The following TTC12 variants were observed in gnomAD, a reference collection of about 807,000 sequenced individuals.
TTC12 encodes tetratricopeptide repeat protein 12.
A neutral mutation model predicts 90.1 loss-of-function variants in TTC12; 70 were observed. The ratio of observed to expected loss-of-function variants is 0.78; its 90% CI spans 0.64 to 0.95. The LOEUF is 0.95. TTC12 is among the 40% of genes least tolerant of loss of function. The pLI, the probability that TTC12 is intolerant of heterozygous loss-of-function variation, is 0.00. For synonymous variants in TTC12, 296 were observed against 311.5 expected (o/e 0.95, Z 0.53); for missense variants, 819 against 846.1 (o/e 0.97, Z 0.40).
intron 21 of TTC12, chr11:113,371,432 CA>C (rs1232944411): frequency 2.6e-5 from 4 of 151,908 alleles, no homozygotes; most frequent in African/African-American, 9.7e-5. Context: ...TTTTGATCTG[CA>C]GTTGGTTGAA....
At chr11:113,317,800 C>CT (rs34184490) in intron 2 of TTC12, among the ~76,000 whole-genome samples, 144 of 151,472 alleles carry the variant, frequency 9.5e-4, no homozygotes, top group Non-Finnish European at 1.4e-3. Context: ...GCCTCTTCAT[C>CT]TTTTTTTTTA....
At chr11:113,331,276 C>T (rs781824186) in intron 7 of TTC12, among the ~76,000 whole-genome samples, 8 of 152,146 alleles carry the variant, frequency 5.3e-5, no homozygotes, top group Admixed American at 3.3e-4. Flanking sequence ...CCTGCTTTGT[C>T]GCCTTGCTTG....
At chr11:113,354,825 T>A (rs1374494513) in intron 16 of TTC12, among the ~76,000 whole-genome samples, 5 of 152,180 alleles carry the variant, frequency 3.3e-5, no homozygotes, top group African/African-American at 1.2e-4. Context: ...TTGTGATGGA[T>A]GAGCTTTTTG....
In TTC12 at chr11:113,356,584, C is replaced by A. The variant is rs577654774; in HGVS notation, c.1447-2779C>A. 1.1e-4 allele frequency among the ~76,000 whole-genome samples: 16 copies of A among 152,292 alleles called. 2 individuals are homozygous for A. In the South Asian group the frequency reaches 3.1e-3, roughly 30 times the overall value. Reference sequence around the variant, plus strand: ...TGTGTTTGTAGAAGCTGGTAATGGTCTTTCCTTTCCATATTTAGTGCTTTC... The same window carrying A: ...TGTGTTTGTAGAAGCTGGTAATGGTATTTCCTTTCCATATTTAGTGCTTTC... On this transcript the variant is annotated intron_variant, in intron 16 of 21. Transcript: ENST00000529221.
chr11:113,324,821 G>T lies in TTC12; in HGVS notation c.322+139G>T, dbSNP rs1038482486. 23 of 682,450 alleles carry T rather than the reference G, an allele frequency of 3.4e-5. No homozygotes were observed. The Middle Eastern group carries it at 7.5e-4, about 22-fold the overall frequency. 42.3% of individuals were successfully genotyped at this position (682,450 alleles called of 1,614,324 possible). On this transcript the variant is annotated intron_variant, in intron 5 of 21. Transcript: ENST00000529221. ...GATGGGCTTGAGGCAGTGGGACCTGGCCAGAAGGAAATCATTGATGGTCTG... is the reference window on the plus strand; with the variant it reads ...GATGGGCTTGAGGCAGTGGGACCTGTCCAGAAGGAAATCATTGATGGTCTG...
At chr11:113,321,207 A>G (rs148538041) in intron 2 of TTC12, among the ~76,000 whole-genome samples, 1 of 152,318 alleles carries the variant, frequency 6.6e-6, no homozygotes, top group Admixed American at 6.5e-5. Flanking sequence ...ATTCCCATCC[A>G]TTACATTGAC....
chr11:113,321,860 G>A (rs556040069), intron 2 of TTC12, among the ~76,000 whole-genome samples: 6 of 152,344 alleles, frequency 3.9e-5, no homozygotes, highest in African/African-American at 9.6e-5. Context: ...GAGCCACTTA[G>A]ATGACTGACA....
At chr11:113,366,796 A>C (rs1950233484), downstream of TTC12, among the ~76,000 whole-genome samples, 1 of 152,202 alleles carries the variant, frequency 6.6e-6, no homozygotes, top group African/African-American at 2.4e-5. Flanking sequence ...CAGCCACTGC[A>C]TGTGCCGTTA....
intron 2 of TTC12, among the ~76,000 whole-genome samples, chr11:113,317,234 T>C (rs929967398): frequency 1.3e-4 from 20 of 152,166 alleles, no homozygotes; most frequent in African/African-American, 4.6e-4. Flanking sequence ...TCTATGGTAC[T>C]GTCATACCTA....
At chr11:113,320,783 C>A (rs1947266175) in intron 2 of TTC12, among the ~76,000 whole-genome samples, 1 of 152,236 alleles carries the variant, frequency 6.6e-6, no homozygotes, top group Admixed American at 6.5e-5. Flanking sequence ...CGTCTGCGTT[C>A]TCCCCCTCCC....
rs1950119590 is a variant in TTC12, at chr11:113,364,824, T to C, written c.1817-11T>C. The C allele has an allele frequency of 6.2e-7, 1 of 1,613,102 alleles. No individual in the cohort carries two copies. Among genetic ancestry groups the C allele is most frequent in the Non-Finnish European group, 8.5e-7 (1 of 1,179,100 alleles). On this transcript the variant is annotated splice_polypyrimidine_tract_variant and intron_variant, in intron 20 of 21. Transcript: ENST00000529221. ...AAAGGAGCTGTTGCTTGTTCTCTTC[T>C]TTCCCTGCAGAGTTGAGCGTTATGA...
chr11:113,365,241 T>TGG (rs1950146413), intron 21 of TTC12, among the ~76,000 whole-genome samples, 181 bp downstream of exon 21: 1 of 152,152 alleles, frequency 6.6e-6, no homozygotes, highest in African/African-American at 2.4e-5. Flanking sequence ...TAGAGGAAAC[T>TGG]GGGGAGCTCT....
At chr11:113,338,630 G>T in intron 8 of TTC12, 144 bp from the exon 9 acceptor site, 3 of 547,488 alleles carry the variant, frequency 5.5e-6, no homozygotes, top group Non-Finnish European at 9.9e-6. Context: ...AATGCACATT[G>T]TGTTCCTATG....
At chr11:113,365,760 G>C (rs1193014720) in intron 21 of TTC12, among the ~76,000 whole-genome samples, 1 of 152,238 alleles carries the variant, frequency 6.6e-6, no homozygotes, top group Non-Finnish European at 1.5e-5. Flanking sequence ...CCCGGGAGCT[G>C]AGTGAGAGAG....
In TTC12 at chr11:113,363,901, G is replaced by C. The variant is rs532793222; in HGVS notation, c.1790G>C (p.Arg597Pro). The C allele has an allele frequency of 2.6e-5, 42 of 1,613,510 alleles. No individual in the cohort carries two copies. The South Asian group carries it at 4.5e-4, about 17-fold the overall frequency. Residue 597 changes from arginine (R) to proline (P), a missense_variant, in exon 20 of 22, where the codon CGG becomes CCG. Arg to Pro is a moderately radical substitution (Grantham distance 103, BLOSUM62 -2). Transcript: ENST00000529221. ...TGCACGAATAGTTATCATGAAGCTCGGGAAGAAGTAATAAGACTGGATAAA... is the reference window on the plus strand; with the variant it reads ...TGCACGAATAGTTATCATGAAGCTCCGGAAGAAGTAATAAGACTGGATAAA... Reference protein sequence around the residue: ...AICTNSYHEAREEVIRLDKKL... With the variant: ...AICTNSYHEAPEEVIRLDKKL...
At chr11:113,331,713 G>C (rs1213902027) in intron 7 of TTC12, among the ~76,000 whole-genome samples, 6 of 152,184 alleles carry the variant, frequency 3.9e-5, no homozygotes, top group African/African-American at 1.4e-4. Flanking sequence ...TAACAGGCTG[G>C]CCTGTTCCCA....
At chr11:113,372,046 A>C (rs747803714) in intron 21 of TTC12, among the ~76,000 whole-genome samples, 3 of 152,140 alleles carry the variant, frequency 2.0e-5, no homozygotes, top group Non-Finnish European at 2.9e-5. Flanking sequence ...GATTTTTATC[A>C]GGGTTGGAAG....
chr11:113,366,090 C>A, intron 21 of TTC12, 135 bp from the exon 22 acceptor site: 1 of 903,880 alleles, frequency 1.1e-6, no homozygotes, highest in Non-Finnish European at 1.7e-6. Flanking sequence ...AATGCCACAG[C>A]CACTTCCTGT....
chr11:113,323,726 T>G (rs723079), intron 3 of TTC12, among the ~76,000 whole-genome samples: 13,460 of 152,160 alleles, frequency 0.088, 770 homozygotes, highest in Middle Eastern at 0.16. Flanking sequence ...AGGTAATGTA[T>G]TCTAACTCAT....
Sources: gnomAD v4.1 joint callset for allele counts (sites outside exome capture counted in the v4.1 genomes callset) on GRCh38, gnomAD v4.1.1 for gene constraint, MANE v1.5 for transcripts, NCBI Gene and HGNC (gene_info 2026-07-23, HGNC 2026-07-21) for gene names.